Variants in OR3A2 observed in about 807,000 individuals in gnomAD.
OR3A2 encodes olfactory receptor 3A2.
For missense variants in OR3A2, 318 were observed against 392.8 expected, an observed-to-expected ratio of 0.81 and a Z score of 1.61; for synonymous variants, 126 against 159.3, an observed-to-expected ratio of 0.79 and a Z score of 1.57.
Position 3,333,342 on chromosome 17 carries a change from C to A in OR3A2, c.-85+2691G>T, listed in dbSNP as rs550116729. On this transcript the variant is annotated intron_variant, in intron 3 of 4. Coordinates refer to the OR3A2 transcript ENST00000573491. Reference sequence around the variant, plus strand: ...TTTTCTGTTAAGGTGTTTATCAAAACAATATGTGCACAGCTGAACATAGAC... The same window carrying A: ...TTTTCTGTTAAGGTGTTTATCAAAAAAATATGTGCACAGCTGAACATAGAC... Among the ~76,000 whole-genome samples the A allele has an allele frequency of 3.2e-4, 48 of 152,272 alleles. No homozygotes were observed. The East Asian group carries it at 7.7e-3, about 24-fold the overall frequency.
chr17:3,331,794 C>T (rs2049237053), intron 3 of OR3A2, among the ~76,000 whole-genome samples: 1 of 152,006 alleles, frequency 6.6e-6, no homozygotes, highest in Non-Finnish European at 1.5e-5. Flanking sequence ...AGGCGCTCTG[C>T]ATTTTAGAGT....
At position 3,368,160 on chromosome 17, in the gene OR3A2, A is replaced by C. The variant is rs796507022; in HGVS notation, c.-179+15644T>G. 8.5e-5 allele frequency among the ~76,000 whole-genome samples: 13 copies of C among 152,268 alleles called. 1 individual carries two copies. The highest frequency in any genetic ancestry group is 3.1e-4 in the African/African-American group (13 of 41,532). On this transcript the variant is annotated intron_variant, in intron 2 of 4. Coordinates refer to the OR3A2 transcript ENST00000573491. The stretch of plus-strand genomic sequence containing the variant: ...TGCTTTATCAGATGCATAGTTTGTG[A>C]AGATTTTCTCCCACTCTGTGGGTTA...
intron 1 of OR3A2, chr17:3,385,789 A>G (rs1198599413): frequency 7.6e-6 from 3 of 396,810 alleles, no homozygotes; most frequent in African/African-American, 6.2e-5. Context: ...TCCATTTAGC[A>G]AGCAGAAATT....
intron 3 of OR3A2, among the ~76,000 whole-genome samples, chr17:3,308,434 T>C (rs2150629502): frequency 6.6e-6 from 1 of 152,144 alleles, no homozygotes; most frequent in East Asian, 1.9e-4. Flanking sequence ...CACAGCTTGG[T>C]CTCCATACAA....
chr17:3,286,079 C>A (rs1031918358), upstream of OR3A2, among the ~76,000 whole-genome samples: 17 of 152,144 alleles, frequency 1.1e-4, 1 homozygote, highest in Admixed American at 1.0e-3. Context: ...CCCCACCCCC[C>A]AAGAGGCCCT....
intron 2 of OR3A2, among the ~76,000 whole-genome samples, chr17:3,383,209 T>C (rs1567574619): frequency 6.6e-6 from 1 of 152,066 alleles, no homozygotes; most frequent in Admixed American, 6.5e-5. Flanking sequence ...GAGGCCAAAA[T>C]TGGAATCATT....
chr17:3,338,449 T>TAC (rs1449474917), intron 2 of OR3A2, among the ~76,000 whole-genome samples: 1 of 152,178 alleles, frequency 6.6e-6, no homozygotes, highest in African/African-American at 2.4e-5. Context: ...AATTTTTGTA[T>TAC]AAAGTGTAAG....
intron 1 of OR3A2, among the ~76,000 whole-genome samples, chr17:3,281,194 G>A (rs1055936901): frequency 5.3e-5 from 8 of 151,434 alleles, no homozygotes; most frequent in African/African-American, 1.9e-4. Context: ...CCCACAGGCC[G>A]ATTAAATCAG....
intron 2 of OR3A2, among the ~76,000 whole-genome samples, chr17:3,337,544 G>A (rs1035310270): frequency 7.2e-5 from 11 of 152,046 alleles, no homozygotes; most frequent in Non-Finnish European, 8.8e-5. Context: ...CTGTCCTTGC[G>A]ATAGTTTACT....
intron 2 of OR3A2, among the ~76,000 whole-genome samples, chr17:3,351,955 G>C (rs1457220989): frequency 6.6e-6 from 1 of 152,162 alleles, no homozygotes; most frequent in Admixed American, 6.6e-5. Context: ...CTTAATAAAT[G>C]GTGCTGGGAA....
At chr17:3,353,393 T>C (rs1457377629) in intron 2 of OR3A2, among the ~76,000 whole-genome samples, 1 of 151,946 alleles carries the variant, frequency 6.6e-6, no homozygotes, top group Non-Finnish European at 1.5e-5. Flanking sequence ...TCCAGTACTA[T>C]GTTGAATAAC....
In OR3A2 at chr17:3,368,997, AGTTGTAAAAGGG is replaced by A. The variant is rs1284518787; in HGVS notation, c.-179+14795_-179+14806del. ...TAAGTATACATATATTTTTTGTAGC[AGTTGTAAAAGGG>A]GTTGAGTTCTTGATTTGATTCTCAG... On this transcript the variant is annotated intron_variant, in intron 2 of 4. Coordinates refer to the OR3A2 transcript ENST00000573491. 2.0e-4 allele frequency among the ~76,000 whole-genome samples: 31 copies of A among 152,124 alleles called. 1 individual carries two copies. Among genetic ancestry groups the A allele is most frequent in the Admixed American group, 2.0e-3 (31 of 15,270 alleles).
At chr17:3,384,727 C>T (rs2049764474) in intron 1 of OR3A2, among the ~76,000 whole-genome samples, 2 of 152,154 alleles carry the variant, frequency 1.3e-5, no homozygotes, top group Admixed American at 1.3e-4. Flanking sequence ...TGTCCAAATC[C>T]AGACCACCAC....
intron 1 of OR3A2, among the ~76,000 whole-genome samples, chr17:3,280,191 T>C (rs1417531466): frequency 6.6e-6 from 1 of 152,110 alleles, no homozygotes; most frequent in African/African-American, 2.4e-5. Context: ...TTAGGCACGG[T>C]AGGTTGACCA....
rs1207569976 is a variant in OR3A2, at chr17:3,372,313, G to A, written c.-179+11491C>T. On this transcript the variant is annotated intron_variant, in intron 2 of 4. Transcript: ENST00000573491. ...TCACTTCCTAGATGGGATGGCGGCC[G>A]GGCAGAGACACTCCTCACTTTCCAG... is the stretch of plus-strand genomic sequence containing the variant. Among the ~76,000 whole-genome samples the A allele has an allele frequency of 8.0e-5, 12 of 149,108 alleles. No homozygotes were observed. The East Asian group carries it at 1.5e-3, about 18-fold the overall frequency.
chr17:3,292,649 A>G, intron 3 of OR3A2: 1 of 1,369,274 alleles, frequency 7.3e-7, no homozygotes, highest in Non-Finnish European at 9.9e-7. Flanking sequence ...TTTACTCAAG[A>G]AAAAGAAACA....
chr17:3,375,218 CTTT>C (rs1161264007), intron 2 of OR3A2, among the ~76,000 whole-genome samples: 2 of 27,086 alleles, frequency 7.4e-5, no homozygotes, highest in Non-Finnish European at 1.3e-4. Flanking sequence ...AGATTTCTTC[CTTT>C]TTTTTTTTCT....
chr17:3,385,521 C>A (rs1353170320), intron 1 of OR3A2, among the ~76,000 whole-genome samples: 1 of 152,082 alleles, frequency 6.6e-6, no homozygotes, highest in Non-Finnish European at 1.5e-5. Context: ...TTATTATATG[C>A]CAGGCACTGT....
intron 3 of OR3A2, among the ~76,000 whole-genome samples, chr17:3,326,139 C>A (rs572768565): frequency 1.3e-5 from 2 of 152,226 alleles, no homozygotes; most frequent in South Asian, 4.1e-4. Context: ...TCTATGGCTG[C>A]ATAGTATATC....
Sources: gnomAD v4.1 joint callset for allele counts (sites outside exome capture counted in the v4.1 genomes callset) on GRCh38, gnomAD v4.1.1 for gene constraint, MANE v1.5 for transcripts, NCBI Gene and HGNC (gene_info 2026-07-23, HGNC 2026-07-21) for gene names.